The following RAD51B variants were observed in gnomAD, a reference collection of about 807,000 sequenced individuals.
RAD51B encodes the protein DNA repair protein RAD51 homolog 2.
A neutral mutation model predicts 42.2 loss-of-function variants in RAD51B; 38 were observed. The observed-to-expected ratio is 0.90, with a 90% CI of 0.70 to 1.18. The LOEUF (loss-of-function observed/expected upper bound fraction) is 1.18, where lower values mean the gene tolerates loss of function less well. RAD51B is among the 50% of genes most tolerant of loss of function. RAD51B has a pLI of 0.00. For synonymous variants in RAD51B, 154 were observed against 145.2 expected (o/e 1.06, Z -0.43); for missense variants, 373 against 400.7 (o/e 0.93, Z 0.59).
intron 7 of RAD51B, among the ~76,000 whole-genome samples, chr14:68,107,007 G>A (rs1446262280): frequency 6.6e-6 from 1 of 151,840 alleles, no homozygotes; most frequent in Non-Finnish European, 1.5e-5. Context: ...TTTATAGCCT[G>A]TGAGTGACCA....
intron 8 of RAD51B, among the ~76,000 whole-genome samples, chr14:68,410,403 T>C (rs1439282070): frequency 6.6e-6 from 1 of 152,220 alleles, no homozygotes; most frequent in African/African-American, 2.4e-5. Context: ...TCATTTTGTT[T>C]TAGCTAATTC....
chr14:68,428,468 C>T (rs1025761290), intron 9 of RAD51B, among the ~76,000 whole-genome samples: 2 of 151,852 alleles, frequency 1.3e-5, no homozygotes, highest in African/African-American at 4.8e-5. Context: ...CAGCAGATGT[C>T]TGGAACTTAT....
intron 10 of RAD51B, among the ~76,000 whole-genome samples, chr14:68,502,085 G>A (rs370345781): frequency 6.6e-6 from 1 of 152,370 alleles, no homozygotes; most frequent in South Asian, 2.1e-4. Flanking sequence ...AATGGGAGGG[G>A]ACGTCAATGT....
intron 10 of RAD51B, among the ~76,000 whole-genome samples, chr14:68,512,093 G>T (rs1885770382): frequency 6.6e-6 from 1 of 152,210 alleles, no homozygotes; most frequent in African/African-American, 2.4e-5. Context: ...GCATCTTTGG[G>T]AAACGCCTGC....
chr14:68,347,651 G>A (rs536762650), intron 8 of RAD51B, among the ~76,000 whole-genome samples: 1 of 152,318 alleles, frequency 6.6e-6, no homozygotes, highest in East Asian at 1.9e-4. Flanking sequence ...CAGCCTGGAT[G>A]ACAGAGCGAG....
At chr14:67,947,744 A>C (rs2045444662) in intron 7 of RAD51B, among the ~76,000 whole-genome samples, 2 of 152,122 alleles carry the variant, frequency 1.3e-5, no homozygotes, top group Non-Finnish European at 2.9e-5. Context: ...GTCCTAAAAA[A>C]CAAAAAAAAC....
intron 10 of RAD51B, among the ~76,000 whole-genome samples, chr14:68,569,636 G>A (rs141192408): frequency 6.2e-4 from 95 of 152,314 alleles, no homozygotes; most frequent in African/African-American, 2.0e-3. Context: ...ACCTCTGCCC[G>A]CAGAGAGGGC....
Position 68,468,181 on chromosome 14 carries a change from G to T in RAD51B, c.967G>T (p.Ala323Ser). The part of the protein sequence containing the change: ...LDSERRQILI[A>S]KSPLAPFTSF... The stretch of plus-strand genomic sequence containing the variant: ...TGTGCTTTATGTGCAGATTCTTATT[G>T]CCAAGTCCCCTCTGGCTCCCTTCAC... The change falls in exon 10 of 11, where the codon GCC (alanine) becomes TCC (serine). Residue 323 changes from alanine to serine, a missense_variant. By Grantham distance (99) the Ala-to-Ser change is moderately conservative. Coordinates refer to ENST00000471583, the MANE Select transcript of RAD51B (RefSeq NM_133510.4). The T allele has an allele frequency of 6.2e-7, 1 of 1,613,778 alleles. No homozygotes were observed. Among genetic ancestry groups the T allele is most frequent in the Non-Finnish European group, 8.5e-7 (1 of 1,179,800 alleles).
chr14:68,486,627 T>A (rs1566909983), intron 10 of RAD51B, among the ~76,000 whole-genome samples: 1 of 152,200 alleles, frequency 6.6e-6, no homozygotes, highest in Non-Finnish European at 1.5e-5. Context: ...AAGCTTAAAA[T>A]GAAGCAAATT....
chr14:68,444,959 G>A (rs2085389385), intron 9 of RAD51B, among the ~76,000 whole-genome samples: 2 of 152,328 alleles, frequency 1.3e-5, no homozygotes, highest in African/African-American at 4.8e-5. Flanking sequence ...TTAGAGCCAT[G>A]GCTTGGCAGT....
chr14:68,338,770 C>T (rs1261337180), intron 8 of RAD51B: 8 of 510,526 alleles, frequency 1.6e-5, no homozygotes, highest in East Asian at 4.5e-5. Context: ...TTTGCCTTTT[C>T]GAGCTTGATA....
chr14:68,674,040 A>T (rs1893248156), intron 11 of RAD51B, among the ~76,000 whole-genome samples: 2 of 152,150 alleles, frequency 1.3e-5, no homozygotes, highest in Admixed American at 1.3e-4. Flanking sequence ...GTATGCACAC[A>T]TATATACATC....
At chr14:68,502,397 C>G (rs140219164) in intron 10 of RAD51B, among the ~76,000 whole-genome samples, 5 of 152,204 alleles carry the variant, frequency 3.3e-5, no homozygotes, top group African/African-American at 7.2e-5. Flanking sequence ...CGACTCCCCC[C>G]ACGGGCCGCC....
At chr14:67,846,245 G>T (rs898125100) in intron 4 of RAD51B, among the ~76,000 whole-genome samples, 1 of 152,198 alleles carries the variant, frequency 6.6e-6, no homozygotes, top group East Asian at 1.9e-4. Flanking sequence ...GGGTAGTGCG[G>T]TGCTGGCAGG....
chr14:68,435,695 T>C (rs904228434), intron 9 of RAD51B, among the ~76,000 whole-genome samples: 2 of 152,182 alleles, frequency 1.3e-5, no homozygotes, highest in African/African-American at 4.8e-5. Flanking sequence ...CTGTTGCTTT[T>C]TAACTTTTTA....
At chr14:68,008,484 C>T (rs571206417) in intron 7 of RAD51B, among the ~76,000 whole-genome samples, 3 of 151,856 alleles carry the variant, frequency 2.0e-5, no homozygotes, top group Admixed American at 6.6e-5. Context: ...TACCTTCGGG[C>T]GGTGTAATTA....
At chr14:68,002,123 C>T (rs1476548357) in intron 7 of RAD51B, among the ~76,000 whole-genome samples, 1 of 152,170 alleles carries the variant, frequency 6.6e-6, no homozygotes, top group African/African-American at 2.4e-5. Flanking sequence ...AATCGCCATA[C>T]TGTGTTCTAC....
chr14:68,290,951 C>T (rs1417312810), intron 7 of RAD51B, among the ~76,000 whole-genome samples: 3 of 151,882 alleles, frequency 2.0e-5, no homozygotes, highest in East Asian at 1.9e-4. Flanking sequence ...GGACTACAGG[C>T]GCCTGCTACT....
chr14:68,422,217 C>G (rs1308068212), intron 9 of RAD51B: 16 of 996,856 alleles, frequency 1.6e-5, no homozygotes, highest in Non-Finnish European at 1.6e-6. Context: ...ACACGGTTTT[C>G]CTCAGCGGTG....
Sources: gnomAD v4.1 joint callset for allele counts (sites outside exome capture counted in the v4.1 genomes callset) on GRCh38, gnomAD v4.1.1 for gene constraint, MANE v1.5 for transcripts, NCBI Gene and HGNC (gene_info 2026-07-23, HGNC 2026-07-21) for gene names.